The following TVP23C variants were observed in gnomAD, a reference collection of about 807,000 sequenced individuals.
TVP23C encodes the protein Golgi apparatus membrane protein TVP23 homolog C.
A neutral mutation model predicts 28.7 loss-of-function variants in TVP23C; 19 were observed. That is an observed-to-expected ratio of 0.66 (90% CI 0.46 to 0.97). The LOEUF is 0.97. Among genes scored for constraint, TVP23C ranks in the 50% least tolerant of loss-of-function variants. The pLI is 0.00. For synonymous variants in TVP23C, 68 were observed against 81.7 expected, an observed-to-expected ratio of 0.83 and a Z score of 0.90; for missense variants, 186 against 241.3, an observed-to-expected ratio of 0.77 and a Z score of 1.52.
intron 5 of TVP23C, chr17:15,516,428 G>C (rs1232776677): frequency 6.6e-6 from 1 of 152,286 alleles, no homozygotes; most frequent in African/African-American, 2.4e-5. Flanking sequence ...CAGTTCTGGA[G>C]ACTGGAAGCC....
intron 1 of TVP23C, among the ~76,000 whole-genome samples, chr17:15,561,927 C>T (rs994571703): frequency 2.6e-5 from 4 of 152,218 alleles, no homozygotes; most frequent in African/African-American, 9.6e-5. Flanking sequence ...CCCACCAAGA[C>T]CAAGATGGCC....
chr17:15,548,961 C>T lies in TVP23C; in HGVS notation c.241-1813G>A, dbSNP rs113247622. Among the ~76,000 whole-genome samples the T allele has an allele frequency of 3.3e-5, 5 of 152,164 alleles. No homozygotes were observed. The South Asian group carries it at 6.2e-4, about 19-fold the overall frequency. On this transcript the variant is annotated intron_variant, in intron 3 of 5. Transcript: ENST00000518321. Reference sequence around the variant, plus strand: ...CCTCACACAGTATCTTACTGTTTAGCGTAGCATATAGCAGTACTGAAACCG... The same window carrying T: ...CCTCACACAGTATCTTACTGTTTAGTGTAGCATATAGCAGTACTGAAACCG...
intron 1 of TVP23C, among the ~76,000 whole-genome samples, chr17:15,561,317 G>A (rs61451713): frequency 0.021 from 3,172 of 152,280 alleles, 108 homozygotes; most frequent in African/African-American, 0.073. Flanking sequence ...GGGAACAGTC[G>A]GCCGGGCCTG....
chr17:15,503,683 A>C (rs1981593714), intron 5 of TVP23C: 1 of 153,166 alleles, frequency 6.5e-6, no homozygotes, highest in Non-Finnish European at 1.5e-5. Context: ...GATTCTGTGC[A>C]AGTTGACTTA....
At chr17:15,519,894 T>C (rs1982400585) in intron 5 of TVP23C, among the ~76,000 whole-genome samples, 1 of 152,202 alleles carries the variant, frequency 6.6e-6, no homozygotes, top group Non-Finnish European at 1.5e-5. Flanking sequence ...AGAGCGAGAC[T>C]CCGTCTCAAA....
chr17:15,547,298 C>G, intron 3 of TVP23C, 150 bp from the exon 4 acceptor site: 5 of 1,483,986 alleles, frequency 3.4e-6, no homozygotes, highest in Non-Finnish European at 4.5e-6. Context: ...TGTATCAGGC[C>G]TGGCTAAACG....
intron 2 of TVP23C, among the ~76,000 whole-genome samples, chr17:15,554,646 A>G (rs1368738108): frequency 1.3e-5 from 2 of 152,192 alleles, no homozygotes; most frequent in Non-Finnish European, 2.9e-5. Context: ...GATTTGTACA[A>G]CCATCACTCC....
At chr17:15,503,487 A>G (rs2150823826) in intron 5 of TVP23C, 1 of 346,100 alleles carries the variant, frequency 2.9e-6, no homozygotes, top group African/African-American at 2.1e-5. Flanking sequence ...GGGACTGAAG[A>G]TTGTTGGAAC....
At chr17:15,562,429 G>A (rs575208564) in intron 1 of TVP23C, 41 of 152,196 alleles carry the variant, frequency 2.7e-4, no homozygotes, top group Admixed American at 2.4e-3. Flanking sequence ...AAGTTGGCCA[G>A]GATGGTCTCG....
At chr17:15,506,567 C>A (rs956652987) in intron 5 of TVP23C, among the ~76,000 whole-genome samples, 6 of 152,230 alleles carry the variant, frequency 3.9e-5, no homozygotes, top group African/African-American at 9.6e-5. Flanking sequence ...CTCAGGTCCC[C>A]TTCCACACTG....
chr17:15,520,789 C>T (rs2654334), intron 5 of TVP23C, among the ~76,000 whole-genome samples: 4 of 152,008 alleles, frequency 2.6e-5, no homozygotes, highest in Non-Finnish European at 4.4e-5. Flanking sequence ...TCCTAGTGAA[C>T]GCAGTAACGC....
chr17:15,518,570 C>T (rs1479242209), intron 5 of TVP23C, among the ~76,000 whole-genome samples: 1 of 152,184 alleles, frequency 6.6e-6, no homozygotes, highest in East Asian at 1.9e-4. Flanking sequence ...CTTAGAGAAT[C>T]CTAAGCATTC....
At chr17:15,518,494 T>A (rs963797643) in intron 5 of TVP23C, among the ~76,000 whole-genome samples, 1 of 152,212 alleles carries the variant, frequency 6.6e-6, no homozygotes, top group Non-Finnish European at 1.5e-5. Context: ...GGAAAGCAGA[T>A]GACAGCTGGG....
At position 15,539,461 on chromosome 17, in the gene TVP23C, AGGCGTGGT is replaced by A. The variant is rs1386254848; in HGVS notation, c.*943_*950del. ...TCTCTACTAAAAATACAAAAAAGCCAGGCGTGGTGGCGGCGCCTGTAGTCCCAGCTACT... is the reference window on the plus strand; with the variant it reads ...TCTCTACTAAAAATACAAAAAAGCCAGGCGGCGCCTGTAGTCCCAGCTACT... On this transcript the variant is annotated 3_prime_UTR_variant, in exon 6 of 6. Coordinates refer to ENST00000518321, the MANE Select transcript of TVP23C (RefSeq NM_001135036.2). 2.5e-6 allele frequency: 1 copy of A among 406,838 alleles called. No homozygotes were observed. Among genetic ancestry groups the A allele is most frequent in the Non-Finnish European group, 3.3e-6 (1 of 301,458 alleles). The allele number at this position is 406,838 out of a possible 1,614,324, so 25.2% of individuals were successfully genotyped here. A position where few individuals can be genotyped will look rare whatever the true frequency, so the allele number is the denominator to read the frequency against.
At chr17:15,541,053 C>G (rs1305254378) in intron 5 of TVP23C, among the ~76,000 whole-genome samples, 1 of 152,176 alleles carries the variant, frequency 6.6e-6, no homozygotes, top group East Asian at 1.9e-4. Context: ...ATGCAATGCC[C>G]TAAGGCATAA....
chr17:15,527,348 A>G (rs1366254705), intron 5 of TVP23C, among the ~76,000 whole-genome samples: 2 of 151,708 alleles, frequency 1.3e-5, no homozygotes, highest in Non-Finnish European at 2.9e-5. Flanking sequence ...AACTTGTTCT[A>G]AACAAAATAA....
At chr17:15,534,985 A>G (rs1983098370), downstream of TVP23C, among the ~76,000 whole-genome samples, 1 of 149,830 alleles carries the variant, frequency 6.7e-6, no homozygotes, top group Non-Finnish European at 1.5e-5. Flanking sequence ...AAAAAACAAA[A>G]ATGTGATTTT....
chr17:15,543,281 G>T (rs1026336675), intron 5 of TVP23C, among the ~76,000 whole-genome samples: 1 of 149,460 alleles, frequency 6.7e-6, no homozygotes, highest in Non-Finnish European at 1.5e-5. Context: ...TGGTCAAGGG[G>T]GATTCACCCG....
At chr17:15,509,134 CCTGT>C (rs1170009782) in intron 5 of TVP23C, among the ~76,000 whole-genome samples, 2 of 152,322 alleles carry the variant, frequency 1.3e-5, no homozygotes, top group East Asian at 1.9e-4. Context: ...GCCCACAGCG[CCTGT>C]CTGTCATTCT....
Sources: allele counts gnomAD v4.1 joint callset (sites outside exome capture counted in the v4.1 genomes callset), GRCh38; gene constraint gnomAD v4.1.1; transcripts MANE v1.5; gene names NCBI Gene and HGNC (gene_info 2026-07-23, HGNC 2026-07-21).